Variants in FAM174A observed in about 807,000 individuals in gnomAD.
The protein encoded by FAM174A is family with sequence similarity 174 member A.
In FAM174A, 14 loss-of-function variants were observed where a neutral mutation model predicts 14.3. That is an observed-to-expected ratio of 0.98 (90% CI 0.65 to 1.53). FAM174A has a LOEUF of 1.53. Among genes scored for constraint, FAM174A ranks in the 40% most tolerant of loss-of-function variants. The probability of loss-of-function intolerance (pLI) is 0.00; values close to 1 mark genes in which losing one functional copy is unlikely to be tolerated. For synonymous variants in FAM174A, 108 were observed against 111.4 expected (o/e 0.97, Z 0.19); for missense variants, 241 against 249.6 (o/e 0.97, Z 0.23).
intron 1 of FAM174A, among the ~76,000 whole-genome samples, chr5:100,540,397 T>A (rs1018337944): frequency 6.6e-6 from 1 of 152,190 alleles, no homozygotes. Flanking sequence ...CCTGCATTCA[T>A]GGAACTTCCA....
intron 2 of FAM174A, among the ~76,000 whole-genome samples, chr5:100,578,053 A>G (rs1425599114): frequency 6.6e-6 from 1 of 152,092 alleles, no homozygotes; most frequent in Non-Finnish European, 1.5e-5. Flanking sequence ...TTATTATTTT[A>G]TAGTCTGTTT....
At chr5:100,574,964 T>G (rs1485210645) in intron 2 of FAM174A, among the ~76,000 whole-genome samples, 1 of 152,178 alleles carries the variant, frequency 6.6e-6, no homozygotes, top group Non-Finnish European at 1.5e-5. Context: ...TCTTGCAGAG[T>G]AGTTCCTATT....
At chr5:100,572,911 C>T (rs1402269979) in intron 2 of FAM174A, among the ~76,000 whole-genome samples, 8 of 152,134 alleles carry the variant, frequency 5.3e-5, no homozygotes, top group African/African-American at 1.7e-4. Flanking sequence ...TCTCCAGCAC[C>T]TGTTGTTTCC....
In FAM174A at chr5:100,566,039, C is replaced by T. The variant is rs147765879; in HGVS notation, c.569+3851C>T. On this transcript the variant is annotated intron_variant, in intron 2 of 2. Transcript: ENST00000312637. Reference sequence around the variant, plus strand: ...TGTTTCAATTACCTCCCACCAGGTTCCTTCCATGATACCTGAGGATTAAGG... The same window carrying T: ...TGTTTCAATTACCTCCCACCAGGTTTCTTCCATGATACCTGAGGATTAAGG... Among the ~76,000 whole-genome samples the T allele has an allele frequency of 8.7e-5, 13 of 150,208 alleles. No individual in the cohort carries two copies. In the East Asian group the frequency reaches 2.6e-3, roughly 30 times the overall value.
In FAM174A at chr5:100,535,524, G is replaced by A; in HGVS notation, c.-7G>A. 6.2e-7 allele frequency: 1 copy of A among 1,611,982 alleles called. No homozygotes were observed. Among genetic ancestry groups the A allele is most frequent in the Non-Finnish European group, 8.5e-7 (1 of 1,179,428 alleles). On this transcript the variant is annotated 5_prime_UTR_variant, in exon 1 of 3. Coordinates refer to ENST00000312637, the MANE Select transcript of FAM174A (RefSeq NM_198507.3). ...CTCCCGGGTGGTGAGAGAGCGGTCCGGGAACGATGAAGGCCTCGCAGTGCT... is the reference window on the plus strand; with the variant it reads ...CTCCCGGGTGGTGAGAGAGCGGTCCAGGAACGATGAAGGCCTCGCAGTGCT...
At chr5:100,550,884 C>T (rs1205474338) in intron 1 of FAM174A, among the ~76,000 whole-genome samples, 2 of 151,980 alleles carry the variant, frequency 1.3e-5, no homozygotes, top group Non-Finnish European at 2.9e-5. Context: ...GAAGGCTGTG[C>T]GGCTGGAGTT....
At chr5:100,558,046 ATC>A (rs1746433554) in intron 1 of FAM174A, among the ~76,000 whole-genome samples, 2 of 152,052 alleles carry the variant, frequency 1.3e-5, no homozygotes, top group African/African-American at 4.8e-5. Context: ...TCAATTTTAG[ATC>A]TTTCCTGCTT....
chr5:100,552,246 G>T (rs1746278435), intron 1 of FAM174A, among the ~76,000 whole-genome samples: 1 of 152,098 alleles, frequency 6.6e-6, no homozygotes, highest in African/African-American at 2.4e-5. Flanking sequence ...CAGCAGTAAA[G>T]AAATTTTCAC....
chr5:100,549,800 A>T (rs1746230175), intron 1 of FAM174A, among the ~76,000 whole-genome samples: 1 of 152,132 alleles, frequency 6.6e-6, no homozygotes, highest in African/African-American at 2.4e-5. Flanking sequence ...TGCTAAAGGA[A>T]TTCAAAACTA....
chr5:100,586,084 A>C, intron 2 of FAM174A, 97 bp from the exon 3 acceptor site: 2 of 572,632 alleles, frequency 3.5e-6, no homozygotes, highest in Non-Finnish European at 6.1e-6. Context: ...CTTTTATTAT[A>C]TTCTTCCTTC....
intron 2 of FAM174A, among the ~76,000 whole-genome samples, chr5:100,568,551 A>T (rs984931519): frequency 1.3e-5 from 2 of 149,520 alleles, no homozygotes; most frequent in Admixed American, 6.8e-5. Flanking sequence ...CACACTTCCC[A>T]TTCCAGTTTA....
chr5:100,556,506 G>T (rs1343821852), intron 1 of FAM174A, among the ~76,000 whole-genome samples: 2 of 152,114 alleles, frequency 1.3e-5, no homozygotes, highest in African/African-American at 4.8e-5. Context: ...GATGGGGATG[G>T]CATTGAATCT....
At chr5:100,542,281 A>G (rs1236755155) in intron 1 of FAM174A, among the ~76,000 whole-genome samples, 1 of 152,178 alleles carries the variant, frequency 6.6e-6, no homozygotes, top group Non-Finnish European at 1.5e-5. Flanking sequence ...ACTTGTTTTC[A>G]AGTTTAAGCT....
In FAM174A at chr5:100,535,516, A is replaced by G; in HGVS notation, c.-15A>G. The G allele has an allele frequency of 6.2e-7, 1 of 1,610,376 alleles. No individual in the cohort carries two copies. Among genetic ancestry groups the G allele is most frequent in the Non-Finnish European group, 8.5e-7 (1 of 1,178,650 alleles). ...CCTGGCGGCTCCCGGGTGGTGAGAG[A>G]GCGGTCCGGGAACGATGAAGGCCTC... On this transcript the variant is annotated 5_prime_UTR_variant, in exon 1 of 3. Coordinates refer to ENST00000312637, the MANE Select transcript of FAM174A (RefSeq NM_198507.3).
intron 1 of FAM174A, among the ~76,000 whole-genome samples, chr5:100,540,745 G>A (rs1357852954): frequency 1.3e-5 from 2 of 152,134 alleles, no homozygotes; most frequent in Non-Finnish European, 2.9e-5. Context: ...CATATCATAA[G>A]TGAAGTGATA....
rs115272236 is a variant in FAM174A at position 100,584,244 on chromosome 5, C to T, written c.570-1937C>T. ...ATGTAAGGGCAATCCTAATGAGAAACTCTACTGCATTTGCATGAAACAGTA... is the reference window on the plus strand; with the variant it reads ...ATGTAAGGGCAATCCTAATGAGAAATTCTACTGCATTTGCATGAAACAGTA... On this transcript the variant is annotated intron_variant, in intron 2 of 2. Coordinates refer to ENST00000312637, the MANE Select transcript of FAM174A (RefSeq NM_198507.3). Among the ~76,000 whole-genome samples, 312 of 152,330 alleles carry T rather than the reference C, an allele frequency of 2.0e-3. 2 individuals are homozygous for T. The highest frequency in any genetic ancestry group is 3.8e-3 in the Non-Finnish European group (256 of 68,026).
At chr5:100,542,846 A>ATG (rs147251634) in intron 1 of FAM174A, among the ~76,000 whole-genome samples, 2,180 of 150,400 alleles carry the variant, frequency 0.014, 24 homozygotes, top group African/African-American at 0.027. Context: ...ATATATATAT[A>ATG]TGTGTGTGTG....
At chr5:100,549,209 TG>T (rs1489627805) in intron 1 of FAM174A, among the ~76,000 whole-genome samples, 2 of 151,980 alleles carry the variant, frequency 1.3e-5, no homozygotes, top group African/African-American at 4.8e-5. Context: ...GGATGAATCT[TG>T]GGGGTACTGA....
chr5:100,562,144 T>C lies in FAM174A; in HGVS notation c.525T>C (p.Asp175=), dbSNP rs760078962. The C allele has an allele frequency of 1.3e-6, 2 of 1,586,758 alleles. No individual in the cohort carries two copies. Among genetic ancestry groups the C allele is most frequent in the Non-Finnish European group, 1.7e-6 (2 of 1,169,072 alleles). ...AATTGACACCTTTAGAACAGGATGA[T>C]GAGGATGATGACAACACGTTGTTTG... ...NMELTPLEQD[D]EDDDNTLFDA... The change falls in exon 2 of 3, where the codon GAT becomes GAC. Residue 175 remains aspartate (D), a synonymous_variant. Coordinates refer to ENST00000312637, the MANE Select transcript of FAM174A (RefSeq NM_198507.3).
Sources: allele counts gnomAD v4.1 joint callset (sites outside exome capture counted in the v4.1 genomes callset), GRCh38; gene constraint gnomAD v4.1.1; transcripts MANE v1.5; gene names NCBI Gene and HGNC (gene_info 2026-07-23, HGNC 2026-07-21).